Variants in KCNJ16 observed in about 807,000 individuals in gnomAD.
KCNJ16 encodes inward rectifier potassium channel 16.
In KCNJ16, 15 loss-of-function variants were observed where a neutral mutation model predicts 18.5. That is an observed-to-expected ratio of 0.81 (90% confidence interval 0.54 to 1.25). The LOEUF (loss-of-function observed/expected upper bound fraction) is 1.25. Among genes scored for constraint, KCNJ16 ranks in the 50% most tolerant of loss-of-function variants. The probability of loss-of-function intolerance (pLI) is 0.00; values close to 1 mark genes in which losing one functional copy is unlikely to be tolerated. For missense variants in KCNJ16, 523 were observed against 525.7 expected (o/e 0.99, Z 0.05); for synonymous variants, 174 against 186.5 (o/e 0.93, Z 0.55).
Position 70,124,510 on chromosome 17 carries a change from A to C in KCNJ16, c.-190-6369A>C, listed in dbSNP as rs761641897. 5.6e-4 allele frequency among the ~76,000 whole-genome samples: 85 copies of C among 152,172 alleles called. 1 individual carries two copies. The highest frequency in any genetic ancestry group is 5.1e-4 in the Non-Finnish European group (35 of 68,020). On this transcript the variant is annotated intron_variant, in intron 2 of 3. Transcript: ENST00000392671. The stretch of plus-strand genomic sequence containing the variant: ...GGGGAATGTAGAGGCTGTTGGGGGA[A>C]GTGGTTTCCTTATACAATGAAAGGA...
chr17:70,098,162 C>T (rs2072465521), intron 1 of KCNJ16, among the ~76,000 whole-genome samples: 1 of 152,174 alleles, frequency 6.6e-6, no homozygotes, highest in Admixed American at 6.5e-5. Context: ...CCTAGTAACT[C>T]TCATTCAGTG....
At chr17:70,114,154 A>C (rs1004363519) in intron 2 of KCNJ16, among the ~76,000 whole-genome samples, 3 of 152,126 alleles carry the variant, frequency 2.0e-5, no homozygotes, top group African/African-American at 7.2e-5. Context: ...TTTCCAATAA[A>C]GATGTCCTGA....
intron 2 of KCNJ16, among the ~76,000 whole-genome samples, chr17:70,120,634 G>C (rs1423730499): frequency 6.6e-6 from 1 of 152,158 alleles, no homozygotes; most frequent in African/African-American, 2.4e-5. Flanking sequence ...AAGCAAAAGA[G>C]AGAGAGAAGT....
intron 2 of KCNJ16, chr17:70,108,445 A>G (rs1295434614): frequency 6.8e-6 from 1 of 147,586 alleles, no homozygotes; most frequent in African/African-American, 2.7e-5. Flanking sequence ...GGCTAGGGAC[A>G]TTCTTTTGTG....
intron 1 of KCNJ16, among the ~76,000 whole-genome samples, chr17:70,078,814 A>G (rs370898991): frequency 3.3e-5 from 5 of 152,052 alleles, no homozygotes; most frequent in African/African-American, 1.2e-4. Flanking sequence ...CCAACCAATC[A>G]CACTTTTTTC....
Position 70,130,740 on chromosome 17 carries a change from A to T in KCNJ16, c.-190-139A>T, listed in dbSNP as rs1043441174. The stretch of plus-strand genomic sequence containing the variant: ...ATACTGCATTTTCTATGTAATAGAG[A>T]GGCAGGATTCCCTAAAGTCCCCCGT... On this transcript the variant is annotated intron_variant, in intron 2 of 3. Transcript: ENST00000392671. 43 of 572,120 alleles carry T rather than the reference A, an allele frequency of 7.5e-5. No individual in the cohort carries two copies. In the South Asian group the frequency reaches 1.0e-3, roughly 13 times the overall value. The allele number at this position is 572,120 out of a possible 1,614,324, so 35.4% of individuals were successfully genotyped here. A position where few individuals can be genotyped will look rare whatever the true frequency, so the allele number is the denominator to read the frequency against.
In KCNJ16 at chr17:70,132,074, G is replaced by A. The variant is rs1340844549; in HGVS notation, c.-14G>A. 1 of 1,613,960 alleles carries A rather than the reference G, an allele frequency of 6.2e-7. No individual in the cohort carries two copies. On this transcript the variant is annotated 5_prime_UTR_variant, in exon 4 of 4. Transcript: ENST00000392671. ...CTACAAAACTCACCTGGATCCCTAA[G>A]GGCACAGCAAAGAATGAGCTATTAC...
intron 1 of KCNJ16, among the ~76,000 whole-genome samples, chr17:70,081,447 A>T (rs1294238494): frequency 6.6e-6 from 1 of 152,232 alleles, no homozygotes; most frequent in Non-Finnish European, 1.5e-5. Flanking sequence ...ATTCAGAGAG[A>T]AAAAACTGAA....
chr17:70,099,758 C>T (rs905711733), intron 1 of KCNJ16, among the ~76,000 whole-genome samples: 6 of 152,202 alleles, frequency 3.9e-5, no homozygotes, highest in African/African-American at 7.2e-5. Context: ...AAAAATAATT[C>T]GCTCAAATTC....
chr17:70,093,470 C>T (rs911972362), intron 1 of KCNJ16, among the ~76,000 whole-genome samples: 3 of 152,112 alleles, frequency 2.0e-5, no homozygotes, highest in Admixed American at 1.3e-4. Flanking sequence ...GTATTGGATC[C>T]GGGCCCACTC....
rs1220250878 is a variant in KCNJ16 at position 70,134,543 on chromosome 17, G to A, written c.*1199G>A. On this transcript the variant is annotated 3_prime_UTR_variant, in exon 4 of 4. Coordinates refer to ENST00000392671, the MANE Select transcript of KCNJ16 (RefSeq NM_170741.4). ...TGAAATTTCTTAAGTTTTAGAACAT[G>A]AGATAAAGTTGTATACTCTACTTTC... The A allele has an allele frequency of 2.4e-5, 4 of 166,970 alleles. No homozygotes were observed. The highest frequency in any genetic ancestry group is 7.2e-5 in the African/African-American group (3 of 41,440). 10.3% of individuals were successfully genotyped at this position (166,970 alleles called of 1,614,324 possible). A position where few individuals can be genotyped will look rare whatever the true frequency, so the allele number is the denominator to read the frequency against.
At chr17:70,131,033 T>G (rs2074036353) in intron 3 of KCNJ16, 58 bp downstream of exon 3, 1 of 1,471,692 alleles carries the variant, frequency 6.8e-7, no homozygotes, top group African/African-American at 1.4e-5. Context: ...GGGAGAAAAA[T>G]TATTTTGCCT....
chr17:70,085,939 T>C (rs1012482274), intron 1 of KCNJ16, among the ~76,000 whole-genome samples: 1 of 152,162 alleles, frequency 6.6e-6, no homozygotes, highest in African/African-American at 2.4e-5. Context: ...AAAGTAATGT[T>C]TTATTGATGG....
chr17:70,128,146 C>T (rs190770487), intron 2 of KCNJ16: 28 of 152,268 alleles, frequency 1.8e-4, no homozygotes, highest in African/African-American at 6.5e-4. Flanking sequence ...CTGATTGAGA[C>T]GCTTTTGTAT....
intron 2 of KCNJ16, chr17:70,101,876 G>A (rs1041341873): frequency 1.3e-5 from 2 of 152,078 alleles, no homozygotes; most frequent in Non-Finnish European, 2.9e-5. Context: ...TTAAATTGTG[G>A]ATTTTAGGAC....
At chr17:70,111,280 T>A (rs537217098) in intron 2 of KCNJ16, among the ~76,000 whole-genome samples, 34 of 152,240 alleles carry the variant, frequency 2.2e-4, no homozygotes, top group Middle Eastern at 6.8e-3. Context: ...AAAGATATAA[T>A]ACAACCTGCT....
At chr17:70,078,534 T>A (rs1167410067) in intron 1 of KCNJ16, among the ~76,000 whole-genome samples, 1 of 152,208 alleles carries the variant, frequency 6.6e-6, no homozygotes, top group Non-Finnish European at 1.5e-5. Flanking sequence ...CTTTTTTATT[T>A]TAAGAAAAAT....
Position 70,132,082 on chromosome 17 carries a change from C to A in KCNJ16, c.-6C>A. The A allele has an allele frequency of 1.9e-6, 3 of 1,614,076 alleles. No individual in the cohort carries two copies. The highest frequency in any genetic ancestry group is 2.5e-6 in the Non-Finnish European group (3 of 1,180,018). ...CTCACCTGGATCCCTAAGGGCACAG[C>A]AAAGAATGAGCTATTACGGCAGCAG... On this transcript the variant is annotated 5_prime_UTR_variant, in exon 4 of 4. Coordinates refer to ENST00000392671, the MANE Select transcript of KCNJ16 (RefSeq NM_170741.4).
chr17:70,111,621 T>C (rs2073187866), intron 2 of KCNJ16, among the ~76,000 whole-genome samples: 1 of 152,086 alleles, frequency 6.6e-6, no homozygotes, highest in African/African-American at 2.4e-5. Context: ...CTGATATGGT[T>C]TGGCTGTGTC....
Sources: allele counts gnomAD v4.1 joint callset (sites outside exome capture counted in the v4.1 genomes callset), GRCh38; gene constraint gnomAD v4.1.1; transcripts MANE v1.5; gene names NCBI Gene and HGNC (gene_info 2026-07-23, HGNC 2026-07-21).